Variants in ETFA observed in about 807,000 individuals in gnomAD.
ETFA encodes electron transfer flavoprotein subunit alpha.
ETFA carries 22 observed loss-of-function variants against 46.2 expected under a neutral mutation model. The ratio of observed to expected loss-of-function variants is 0.48; its 90% CI spans 0.34 to 0.68. The LOEUF is 0.68. ETFA is among the 30% of genes least tolerant of loss of function. The pLI is 0.01. For synonymous variants in ETFA, 131 were observed against 139.9 expected (o/e 0.94, Z 0.45); for missense variants, 345 against 401.1 (o/e 0.86, Z 1.19).
intron 7 of ETFA, 94 bp from the exon 8 acceptor site, chr15:76,283,919 T>TTATG: frequency 2.4e-6 from 2 of 827,454 alleles, no homozygotes. Context: ...AATTTTCATA[T>TTATG]TATGTAACTG....
intron 9 of ETFA, chr15:76,259,472 C>T: frequency 1.1e-6 from 1 of 883,324 alleles, no homozygotes; most frequent in Non-Finnish European, 2.0e-6. Flanking sequence ...TCAGGTGATT[C>T]CCGCCAATGA....
At chr15:76,259,688 A>C (rs375651382) in intron 9 of ETFA, 8 of 1,109,534 alleles carry the variant, frequency 7.2e-6, no homozygotes, top group African/African-American at 6.2e-5. Flanking sequence ...CTTCCAGGAG[A>C]GTCCAAAGTC....
intron 1 of ETFA, among the ~76,000 whole-genome samples, chr15:76,304,561 G>A (rs2039917771): frequency 6.6e-6 from 1 of 151,826 alleles, no homozygotes; most frequent in Non-Finnish European, 1.5e-5. Context: ...CTACTTGGAA[G>A]GCTGAGATGG....
intron 8 of ETFA, among the ~76,000 whole-genome samples, chr15:76,275,389 T>A (rs1740354336): frequency 6.6e-6 from 1 of 152,208 alleles, no homozygotes; most frequent in African/African-American, 2.4e-5. Context: ...AACTTTAAAT[T>A]GGCTCCATCT....
Position 76,215,556 on chromosome 15 carries a change from C to A in ETFA, c.*1003G>T, listed in dbSNP as rs1023476596. 6.6e-6 allele frequency: 1 copy of A among 152,118 alleles called. No homozygotes were observed. Among genetic ancestry groups the A allele is most frequent in the South Asian group, 2.1e-4 (1 of 4,806 alleles). 9.4% of individuals were successfully genotyped at this position (152,118 alleles called of 1,614,324 possible). A position where few individuals can be genotyped will look rare whatever the true frequency, so the allele number is the denominator to read the frequency against. On this transcript the variant is annotated 3_prime_UTR_variant, in exon 12 of 12. Transcript: ENST00000557943. ...TGCAGATCTGATTCAGGAGGGCAGC[C>A]CTCTTTGTTCTACTCACCTACCTAC...
chr15:76,260,599 C>T, intron 9 of ETFA: 2 of 1,514,448 alleles, frequency 1.3e-6, no homozygotes, highest in South Asian at 2.3e-5. Flanking sequence ...GTCAGCTCAT[C>T]CTGGGTTCCA....
At chr15:76,266,399 C>T (rs2039471025) in intron 9 of ETFA, among the ~76,000 whole-genome samples, 1 of 152,078 alleles carries the variant, frequency 6.6e-6, no homozygotes, top group African/African-American at 2.4e-5. Context: ...AGCTATTAAG[C>T]CAGTTGGAGA....
At chr15:76,227,196 A>G (rs2039012935) in intron 10 of ETFA, among the ~76,000 whole-genome samples, 1 of 152,064 alleles carries the variant, frequency 6.6e-6, no homozygotes, top group Non-Finnish European at 1.5e-5. Flanking sequence ...CCAGGCGTTC[A>G]AGACCAGCCT....
At chr15:76,264,227 A>G (rs966089887) in intron 9 of ETFA, among the ~76,000 whole-genome samples, 2 of 152,208 alleles carry the variant, frequency 1.3e-5, no homozygotes, top group African/African-American at 4.8e-5. Flanking sequence ...ATACCATATG[A>G]TTGGGATACT....
intron 10 of ETFA, chr15:76,231,132 C>G (rs968117737): frequency 1.8e-6 from 1 of 549,832 alleles, no homozygotes; most frequent in Non-Finnish European, 3.2e-6. Context: ...AGGTTCAGGC[C>G]TCTTTCCATG....
intron 1 of ETFA, among the ~76,000 whole-genome samples, chr15:76,307,549 C>A (rs904576168): frequency 1.1e-4 from 16 of 151,314 alleles, no homozygotes; most frequent in Admixed American, 7.2e-4. Context: ...GGCAGTGGTG[C>A]TACCTGGGCT....
chr15:76,262,469 A>AT (rs2039424936), intron 9 of ETFA, among the ~76,000 whole-genome samples: 1 of 116,124 alleles, frequency 8.6e-6, no homozygotes, highest in African/African-American at 3.0e-5. Flanking sequence ...CCATAATCAA[A>AT]CCCCCTTTTT....
Position 76,286,393 on chromosome 15 carries a change from G to T in ETFA, c.540C>A (p.Gly180=). Residue 180 remains glycine (G), a synonymous_variant, in exon 6 of 12, where the codon GGC becomes GGA. Transcript: ENST00000557943. ...CACCCTTTTCTGAACTGGCACTACCGCCACTTGTTGCTGCAGCATCAAAGG... is the reference window on the plus strand; with the variant it reads ...CACCCTTTTCTGAACTGGCACTACCTCCACTTGTTGCTGCAGCATCAAAGG... ...GTSFDAAATS[G]GSASSEKASS... is the part of the protein sequence containing the mutation. The T allele has an allele frequency of 6.2e-7, 1 of 1,611,374 alleles. No homozygotes were observed. The highest frequency in any genetic ancestry group is 8.5e-7 in the Non-Finnish European group (1 of 1,177,662).
chr15:76,307,653 AT>A (rs59145569), intron 1 of ETFA, among the ~76,000 whole-genome samples: 7 of 148,790 alleles, frequency 4.7e-5, no homozygotes, highest in Non-Finnish European at 3.0e-5. Context: ...CGCCTGGCTA[AT>A]TTTTTTTTTG....
At chr15:76,240,811 C>T (rs2039178279) in intron 9 of ETFA, among the ~76,000 whole-genome samples, 1 of 151,820 alleles carries the variant, frequency 6.6e-6, no homozygotes, top group African/African-American at 2.4e-5. Context: ...ACTTGGGAAG[C>T]TGAGGCAGGA....
At chr15:76,260,745 G>A in intron 9 of ETFA, 1 of 1,605,658 alleles carries the variant, frequency 6.2e-7, no homozygotes, top group Non-Finnish European at 8.5e-7. Context: ...GCTGGCTGGG[G>A]CTAGACCCTT....
At chr15:76,261,151 G>A in intron 9 of ETFA, 1 of 1,531,856 alleles carries the variant, frequency 6.5e-7, no homozygotes, top group Non-Finnish European at 9.0e-7. Flanking sequence ...AACAAATGGA[G>A]AGGGAGCAGG....
At chr15:76,263,194 C>G (rs1170400222) in intron 9 of ETFA, among the ~76,000 whole-genome samples, 4 of 152,204 alleles carry the variant, frequency 2.6e-5, no homozygotes, top group African/African-American at 9.7e-5. Context: ...GCTTCCAGAG[C>G]TTGGGGCCTT....
intron 9 of ETFA, among the ~76,000 whole-genome samples, chr15:76,236,490 C>T (rs12595211): frequency 0.41 from 62,105 of 152,066 alleles, 15,180 homozygotes; most frequent in Middle Eastern, 0.56. Context: ...CTTGTAAACT[C>T]CACTAGGGAA....
Sources: gnomAD v4.1 joint callset for allele counts (sites outside exome capture counted in the v4.1 genomes callset) on GRCh38, gnomAD v4.1.1 for gene constraint, MANE v1.5 for transcripts, NCBI Gene and HGNC (gene_info 2026-07-23, HGNC 2026-07-21) for gene names.